The following TRABD variants were observed in gnomAD, a reference collection of about 807,000 sequenced individuals.
TRABD encodes traB domain-containing protein.
In TRABD, 23 loss-of-function variants were observed where a neutral mutation model predicts 39.6. The ratio of observed to expected loss-of-function variants is 0.58; its 90% confidence interval spans 0.42 to 0.82. TRABD has a LOEUF of 0.82. TRABD is among the 40% of genes least tolerant of loss of function. The pLI, the probability that TRABD is intolerant of heterozygous loss-of-function variation, is 0.00. For synonymous variants in TRABD, 243 were observed against 232.1 expected (o/e 1.05, Z -0.43); for missense variants, 487 against 544.9 (o/e 0.89, Z 1.06).
intron 1 of TRABD, among the ~76,000 whole-genome samples, chr22:50,188,334 C>A (rs1444910654): frequency 6.6e-6 from 1 of 152,168 alleles, no homozygotes; most frequent in Non-Finnish European, 1.5e-5. Context: ...TCTTAAACTC[C>A]AGACCTCAGA....
At chr22:50,197,765 C>CCCCCCCCCCCCCCCCCGTGG in intron 7 of TRABD, 58 bp from the exon 8 acceptor site, 1 of 754,054 alleles carries the variant, frequency 1.3e-6, no homozygotes, top group Non-Finnish European at 2.2e-6. Flanking sequence ...ACAGTGCCAG[C>CCCCCCCCCCCCCCCCCGTGG]CCCACCCCCC....
rs781737197 is a variant in TRABD, at chr22:50,194,516, G to A, written c.279+10G>A. On this transcript the variant is annotated intron_variant, in intron 4 of 9. Coordinates refer to ENST00000380909, the MANE Select transcript of TRABD (RefSeq NM_001320485.2). Reference sequence around the variant, plus strand: ...GAGGGACGTTGTGAAGGTGAGCGCCGCCACCCGCCACATCCCGGACACGGG... The same window carrying A: ...GAGGGACGTTGTGAAGGTGAGCGCCACCACCCGCCACATCCCGGACACGGG... The A allele has an allele frequency of 3.1e-5, 48 of 1,548,210 alleles. No individual in the cohort carries two copies. Among genetic ancestry groups the A allele is most frequent in the East Asian group, 7.3e-5 (3 of 40,934 alleles).
chr22:50,197,897 C>G lies in TRABD; in HGVS notation c.746C>G (p.Pro249Arg). Reference sequence around the variant, plus strand: ...ATGGCCGAGATGATTGGCGAGTTCCCAGACCTGCACCGCACCATCGTCTCG... The same window carrying G: ...ATGGCCGAGATGATTGGCGAGTTCCGAGACCTGCACCGCACCATCGTCTCG... ...QMMAEMIGEF[P>R]DLHRTIVSER... is the part of the protein sequence containing the mutation. Residue 249 changes from proline to arginine, a missense_variant, in exon 8 of 10, where the codon CCA (proline) becomes CGA (arginine). This residue lies in a region of TRABD where 358 missense variants were observed against 414.7 expected (regional missense o/e 0.86). Transcript: ENST00000380909. The G allele has an allele frequency of 6.2e-7, 1 of 1,612,952 alleles. No homozygotes were observed. Among genetic ancestry groups the G allele is most frequent in the Non-Finnish European group, 8.5e-7 (1 of 1,179,916 alleles).
At position 50,195,020 on chromosome 22, in the gene TRABD, C is replaced by G. The variant is rs747110166; in HGVS notation, c.400C>G (p.Leu134Val). The G allele has an allele frequency of 3.7e-6, 6 of 1,602,554 alleles. No homozygotes were observed. The highest frequency in any genetic ancestry group is 1.3e-5 in the African/African-American group (1 of 74,840). Residue 134 changes from leucine (L) to valine (V), a missense_variant, in exon 5 of 10, where the codon CTG becomes GTG. Around this residue, in one of 3 missense-constraint regions of TRABD, gnomAD observed 358 missense variants for 414.7 expected, o/e 0.86. Transcript: ENST00000380909. ...REAQELSLEK[L>V]QQAVRQNGLM... is the part of the protein sequence containing the mutation. ...GGCCCAGGAGCTCAGCCTGGAGAAG[C>G]TGCAGCAGGCCGTGAGGCAGGTGCG...
chr22:50,196,278 C>T (rs529393471), intron 5 of TRABD, among the ~76,000 whole-genome samples: 90 of 152,338 alleles, frequency 5.9e-4, no homozygotes, highest in African/African-American at 2.1e-3. Flanking sequence ...AATGTCTCAT[C>T]CTAAGTTAGC....
chr22:50,198,609 C>T lies in TRABD; in HGVS notation c.*90C>T. On this transcript the variant is annotated 3_prime_UTR_variant, in exon 10 of 10. Coordinates refer to ENST00000380909, the MANE Select transcript of TRABD (RefSeq NM_001320485.2). This position sits in a 1 kb window ranked among gnomAD's most constrained non-coding sequence, Gnocchi z 7.9. ...AGGTGCATCCTAGCCCGCCCGAGGCCCCTGCCACCCCCCATGGGGGTCTGG... is the reference window on the plus strand; with the variant it reads ...AGGTGCATCCTAGCCCGCCCGAGGCTCCTGCCACCCCCCATGGGGGTCTGG... 1 of 1,327,778 alleles carries T rather than the reference C, an allele frequency of 7.5e-7. No homozygotes were observed. The highest frequency in any genetic ancestry group is 9.9e-7 in the Non-Finnish European group (1 of 1,010,622). 82.2% of individuals were successfully genotyped at this position (1,327,778 alleles called of 1,614,324 possible). A position where few individuals can be genotyped will look rare whatever the true frequency, so the allele number is the denominator to read the frequency against.
chr22:50,195,421 AC>A, intron 5 of TRABD, among the ~76,000 whole-genome samples: 1 of 150,904 alleles, frequency 6.6e-6, no homozygotes, highest in Middle Eastern at 3.5e-3. Context: ...CCTTGCAGTG[AC>A]CGGAGAGGCA....
intron 4 of TRABD, among the ~76,000 whole-genome samples, 185 bp from the exon 5 acceptor site, chr22:50,194,715 A>G (rs1442099586): frequency 6.6e-6 from 1 of 152,230 alleles, no homozygotes; most frequent in Non-Finnish European, 1.5e-5. Context: ...ACAAGTGAAC[A>G]AGCCTCACAG....
intron 1 of TRABD, among the ~76,000 whole-genome samples, chr22:50,186,716 G>C (rs1049434724): frequency 7.2e-5 from 11 of 152,264 alleles, no homozygotes; most frequent in Non-Finnish European, 1.3e-4. Context: ...TCGCTCTTCT[G>C]TAGGTGCCTT....
Position 50,195,041 on chromosome 22 carries a change from G to T in TRABD, c.420+1G>T. The T allele has an allele frequency of 6.3e-7, 1 of 1,586,252 alleles. No individual in the cohort carries two copies. On this transcript the variant is annotated splice_donor_variant, in intron 5 of 9. Coordinates refer to ENST00000380909, the MANE Select transcript of TRABD (RefSeq NM_001320485.2). LOFTEE classifies it high-confidence loss of function. ...GAAGCTGCAGCAGGCCGTGAGGCAG[G>T]TGCGCAGCCGCGGGCAAGGGTCAGG...
At chr22:50,197,192 C>A in intron 5 of TRABD, 49 bp from the exon 6 acceptor site, 1 of 1,562,604 alleles carries the variant, frequency 6.4e-7, no homozygotes, top group Non-Finnish European at 8.8e-7. Flanking sequence ...TCCCCCAGCG[C>A]ACCCCCGCAC....
chr22:50,197,780 C>T (rs1260016836), intron 7 of TRABD, 43 bp from the exon 8 acceptor site: 1 of 1,561,542 alleles, frequency 6.4e-7, no homozygotes, highest in South Asian at 1.1e-5. Flanking sequence ...CCCCCCCAGC[C>T]CGTTGCCCAT....
chr22:50,186,455 G>A (rs2063759725), intron 1 of TRABD, among the ~76,000 whole-genome samples: 2 of 152,246 alleles, frequency 1.3e-5, no homozygotes, highest in South Asian at 4.1e-4. Flanking sequence ...GAGGAGCGGA[G>A]CCCCCCAGGG....
intron 5 of TRABD, among the ~76,000 whole-genome samples, chr22:50,195,886 G>A (rs537358947): frequency 4.8e-5 from 7 of 144,968 alleles, no homozygotes; most frequent in Non-Finnish European, 1.1e-4. Flanking sequence ...AACGTTTGGC[G>A]CCTGCCTTTC....
intron 1 of TRABD, among the ~76,000 whole-genome samples, chr22:50,189,955 G>A (rs548867052): frequency 2.6e-5 from 4 of 152,320 alleles, no homozygotes; most frequent in Non-Finnish European, 5.9e-5. Flanking sequence ...TTTGCTCACC[G>A]CCAGGCAGCT....
rs960812584 is a variant in TRABD at position 50,194,501 on chromosome 22, G to T, written c.274G>T (p.Val92Leu). 2 of 1,564,614 alleles carry T rather than the reference G, an allele frequency of 1.3e-6. No individual in the cohort carries two copies. Among genetic ancestry groups the T allele is most frequent in the Admixed American group, 3.8e-5 (2 of 52,592 alleles). ...CAGCGACGACAGCAAGAGGGACGTT[G>T]TGAAGGTGAGCGCCGCCACCCGCCA... is the stretch of plus-strand genomic sequence containing the variant. ...HFSDDSKRDV[V>L]KTIREVQPDV... Residue 92 changes from valine to leucine, a missense_variant, in exon 4 of 10, where the codon GTG (valine) becomes TTG (leucine). Coordinates refer to ENST00000380909, the MANE Select transcript of TRABD (RefSeq NM_001320485.2).
At chr22:50,189,733 G>C (rs1017991122) in intron 1 of TRABD, among the ~76,000 whole-genome samples, 12 of 150,054 alleles carry the variant, frequency 8.0e-5, no homozygotes, top group Non-Finnish European at 1.5e-4. Flanking sequence ...ACCCAGAGGG[G>C]GTGGCTGCAG....
rs1160856410 is a variant in TRABD at position 50,199,468 on chromosome 22, T to C, written c.*949T>C. 1 of 233,596 alleles carries C rather than the reference T, an allele frequency of 4.3e-6. No individual in the cohort carries two copies. The highest frequency in any genetic ancestry group is 1.3e-3 in the Middle Eastern group (1 of 796). 14.5% of individuals were successfully genotyped at this position (233,596 alleles called of 1,614,324 possible). ...GCAGCCCCAGCCTGGACCCAGGCCATCTCTGGTTGTGTCTGTGCCGACTCG... is the reference window on the plus strand; with the variant it reads ...GCAGCCCCAGCCTGGACCCAGGCCACCTCTGGTTGTGTCTGTGCCGACTCG... On this transcript the variant is annotated 3_prime_UTR_variant, in exon 10 of 10. Transcript: ENST00000380909.
intron 1 of TRABD, among the ~76,000 whole-genome samples, chr22:50,187,269 A>G (rs1332535182): frequency 6.6e-6 from 1 of 152,210 alleles, no homozygotes; most frequent in Non-Finnish European, 1.5e-5. Context: ...TGTGCTGGCA[A>G]GGAGGCCTCG....
Sources: allele counts gnomAD v4.1 joint callset (sites outside exome capture counted in the v4.1 genomes callset), GRCh38; gene constraint gnomAD v4.1.1; regional missense constraint gnomAD v4.1.1; non-coding constraint Gnocchi (gnomAD v3.1); transcripts MANE v1.5; gene names NCBI Gene and HGNC (gene_info 2026-07-23, HGNC 2026-07-21).